PANK1: variants seen among roughly 807,000 people sequenced by gnomAD.
The protein encoded by PANK1 is pantothenate kinase 1.
Under a neutral mutation model 40.1 loss-of-function variants are expected in PANK1, and 18 were observed. The observed-to-expected ratio is 0.45, with a 90% CI of 0.31 to 0.67. The LOEUF (loss-of-function observed/expected upper bound fraction) is 0.67, where lower values mean the gene tolerates loss of function less well. Ranked by LOEUF, PANK1 falls within the 30% of genes least tolerant of loss-of-function variation. The pLI, the probability that PANK1 is intolerant of heterozygous loss-of-function variation, is 0.06. For synonymous variants in PANK1, 242 were observed against 237.7 expected, an observed-to-expected ratio of 1.02 and a Z score of -0.17; for missense variants, 457 against 599.6, an observed-to-expected ratio of 0.76 and a Z score of 2.48.
intron 3 of PANK1, among the ~76,000 whole-genome samples, chr10:89,595,563 T>TA (rs1246477838): frequency 6.6e-6 from 1 of 151,720 alleles, no homozygotes; most frequent in African/African-American, 2.4e-5. Context: ...CTTATGCCTG[T>TA]AATCCCAGCA....
chr10:89,627,199 C>A (rs1035078090), intron 1 of PANK1, among the ~76,000 whole-genome samples: 1 of 149,294 alleles, frequency 6.7e-6, no homozygotes, highest in African/African-American at 2.5e-5. Flanking sequence ...GTTCCAATCA[C>A]GGATTGAACC....
Position 89,645,056 on chromosome 10 carries a change from C to G in PANK1, c.-165G>C. On this transcript the variant is annotated 5_prime_UTR_variant, in exon 1 of 7. Coordinates refer to ENST00000307534, the MANE Select transcript of PANK1 (RefSeq NM_148977.3). ...ACCCGGCGCTCCTCCCCTCCTCCTG[C>G]CGACTCCCCCACCTCCTCTGCGCCC... The G allele has an allele frequency of 6.4e-7, 1 of 1,561,128 alleles. No homozygotes were observed.
At chr10:89,636,576 C>G (rs1321175669) in intron 1 of PANK1, among the ~76,000 whole-genome samples, 1 of 152,008 alleles carries the variant, frequency 6.6e-6, no homozygotes. Flanking sequence ...CTCAGCCTCC[C>G]GAGTAGCTGG....
chr10:89,606,879 G>A (rs1424617313), intron 2 of PANK1, among the ~76,000 whole-genome samples: 2 of 152,194 alleles, frequency 1.3e-5, no homozygotes, highest in African/African-American at 4.8e-5. Flanking sequence ...CTAGAGAATT[G>A]AAGAGTTAGG....
chr10:89,640,163 T>C (rs1183909443), intron 1 of PANK1, among the ~76,000 whole-genome samples: 2 of 152,080 alleles, frequency 1.3e-5, no homozygotes, highest in African/African-American at 4.8e-5. Context: ...ACTGCATGCT[T>C]TTGTAAAAGC....
chr10:89,609,218 C>T (rs1025416035), intron 2 of PANK1, among the ~76,000 whole-genome samples: 3 of 152,148 alleles, frequency 2.0e-5, no homozygotes, highest in African/African-American at 7.2e-5. Flanking sequence ...GCGTGCGCCA[C>T]CTCACCTGGC....
intron 1 of PANK1, 132 bp from the exon 2 acceptor site, chr10:89,612,180 C>T (rs1845178173): frequency 1.2e-6 from 1 of 800,530 alleles, no homozygotes; most frequent in Non-Finnish European, 1.9e-6. Flanking sequence ...TATTTGAATT[C>T]AACTATATGT....
At chr10:89,610,185 CT>C (rs1278863389) in intron 2 of PANK1, among the ~76,000 whole-genome samples, 2 of 152,182 alleles carry the variant, frequency 1.3e-5, no homozygotes, top group Non-Finnish European at 2.9e-5. Context: ...GTTCTGAAGT[CT>C]TACTCCCACC....
intron 1 of PANK1, among the ~76,000 whole-genome samples, chr10:89,631,723 T>G (rs1841648822): frequency 6.6e-6 from 1 of 152,156 alleles, no homozygotes; most frequent in African/African-American, 2.4e-5. Flanking sequence ...GTTTCAAATC[T>G]CAGACCATGA....
In PANK1 at chr10:89,611,743, A is replaced by C. The variant is rs1390049044; in HGVS notation, c.598T>G (p.Cys200Gly). ...TTGAAAGCCCCGCCTCCTGTGGCAC[A>C]GAGGGTGGTGTGAAGGCTAGAGAAG... ...KNFSSLHTTL[C>G]ATGGGAFKFE... The change falls in exon 2 of 7, where the codon TGT becomes GGT. Residue 200 changes from cysteine to glycine, a missense_variant. Coordinates refer to ENST00000307534, the MANE Select transcript of PANK1 (RefSeq NM_148977.3). 6.2e-7 allele frequency: 1 copy of C among 1,613,770 alleles called. No individual in the cohort carries two copies. The highest frequency in any genetic ancestry group is 2.2e-5 in the East Asian group (1 of 44,888).
chr10:89,641,859 T>C (rs1398550013), intron 1 of PANK1, among the ~76,000 whole-genome samples: 1 of 152,178 alleles, frequency 6.6e-6, no homozygotes, highest in Non-Finnish European at 1.5e-5. Flanking sequence ...TAGTATCATC[T>C]AGTAGGAAGA....
At chr10:89,634,692 C>T (rs1021892544) in intron 1 of PANK1, among the ~76,000 whole-genome samples, 2 of 152,174 alleles carry the variant, frequency 1.3e-5, no homozygotes, top group Non-Finnish European at 2.9e-5. Flanking sequence ...CATATAACTG[C>T]CTCACTCAAG....
At chr10:89,590,826 T>C (rs1844359293) in intron 5 of PANK1, among the ~76,000 whole-genome samples, 1 of 152,166 alleles carries the variant, frequency 6.6e-6, no homozygotes, top group Non-Finnish European at 1.5e-5. Flanking sequence ...TTAGAGATGC[T>C]TATTAAAATA....
chr10:89,634,868 A>G (rs1841756360), intron 1 of PANK1, among the ~76,000 whole-genome samples: 2 of 152,220 alleles, frequency 1.3e-5, no homozygotes, highest in African/African-American at 4.8e-5. Context: ...GAGGCAATCT[A>G]TGATAATCAG....
At chr10:89,643,928 TCAA>T in intron 1 of PANK1, 1 of 1,268,100 alleles carries the variant, frequency 7.9e-7, no homozygotes, top group Non-Finnish European at 1.0e-6. Context: ...AACCCTCAAC[TCAA>T]CCTCCCCCTT....
At chr10:89,606,693 T>A (rs1844976595) in intron 2 of PANK1, among the ~76,000 whole-genome samples, 1 of 152,130 alleles carries the variant, frequency 6.6e-6, no homozygotes, top group Admixed American at 6.5e-5. Flanking sequence ...CTGGCTAATT[T>A]TTGTATTTTG....
Position 89,606,514 on chromosome 10 carries a change from C to T in PANK1, c.645+5182G>A, listed in dbSNP as rs549639305. Among the ~76,000 whole-genome samples, 16 of 152,216 alleles carry T rather than the reference C, an allele frequency of 1.1e-4. No individual in the cohort carries two copies. The South Asian group carries it at 2.1e-3, about 20-fold the overall frequency. ...CTCACAAACCAACAACCTCTGCTAC[C>T]TTCCCACTTTTCTTTTCATGTTTTT... On this transcript the variant is annotated intron_variant, in intron 2 of 6. Transcript: ENST00000307534.
At chr10:89,600,452 CAT>C (rs1360344612) in intron 2 of PANK1, among the ~76,000 whole-genome samples, 3 of 152,172 alleles carry the variant, frequency 2.0e-5, no homozygotes, top group Non-Finnish European at 2.9e-5. Context: ...TCAGTGCCCT[CAT>C]GTGTAAAATG....
At chr10:89,622,978 A>T (rs1845540439) in intron 1 of PANK1, among the ~76,000 whole-genome samples, 1 of 152,222 alleles carries the variant, frequency 6.6e-6, no homozygotes, top group South Asian at 2.1e-4. Context: ...CATTAAAATC[A>T]CTTTGTAGGA....
Sources: allele counts gnomAD v4.1 joint callset (sites outside exome capture counted in the v4.1 genomes callset), GRCh38; gene constraint gnomAD v4.1.1; transcripts MANE v1.5; gene names NCBI Gene and HGNC (gene_info 2026-07-23, HGNC 2026-07-21).